The following GRM7 variants were observed in gnomAD, a reference collection of about 807,000 sequenced individuals.
GRM7 encodes the protein metabotropic glutamate receptor 7.
In GRM7, 35 loss-of-function variants were observed where a neutral mutation model predicts 84.5. The observed-to-expected ratio is 0.41, with a 90% CI of 0.32 to 0.55. The LOEUF is 0.55. GRM7 is among the 20% of genes least tolerant of loss of function. GRM7 has a pLI of 0.19. For missense variants in GRM7, 1,003 were observed against 1,194.6 expected, an observed-to-expected ratio of 0.84 and a Z score of 2.36; for synonymous variants, 487 against 455.1, an observed-to-expected ratio of 1.07 and a Z score of -0.89.
intron 8 of GRM7, among the ~76,000 whole-genome samples, chr3:7,642,036 T>C (rs1698386107): frequency 1.3e-5 from 2 of 152,140 alleles, no homozygotes; most frequent in Admixed American, 1.3e-4. Flanking sequence ...CTTTTCTGCA[T>C]CTAATAGTCC....
At chr3:7,588,333 C>T (rs1695618311) in intron 8 of GRM7, among the ~76,000 whole-genome samples, 1 of 152,194 alleles carries the variant, frequency 6.6e-6, no homozygotes, top group African/African-American at 2.4e-5. Flanking sequence ...AGTTATGCAT[C>T]TTCAGATGGC....
intron 8 of GRM7, among the ~76,000 whole-genome samples, chr3:7,597,994 G>A (rs1256579043): frequency 6.6e-6 from 1 of 152,120 alleles, no homozygotes; most frequent in South Asian, 2.1e-4. Context: ...AGCAGAGAAT[G>A]AGGGAAAGCT....
intron 8 of GRM7, among the ~76,000 whole-genome samples, chr3:7,674,802 A>C (rs1700062696): frequency 6.6e-6 from 1 of 152,198 alleles, no homozygotes; most frequent in Admixed American, 6.5e-5. Flanking sequence ...AGGCACTTGT[A>C]TCTCAATAAA....
intron 1 of GRM7, among the ~76,000 whole-genome samples, chr3:7,099,985 T>C (rs1232321846): frequency 6.8e-6 from 1 of 148,140 alleles, no homozygotes; most frequent in South Asian, 2.1e-4. Flanking sequence ...TAATTGCATA[T>C]GTACATATAT....
At chr3:7,397,823 G>C (rs1248500399) in intron 4 of GRM7, among the ~76,000 whole-genome samples, 1 of 152,122 alleles carries the variant, frequency 6.6e-6, no homozygotes. Context: ...TGGTGGTACA[G>C]TTAGGGAATC....
rs927788973 is a variant in GRM7, at chr3:7,740,987, A to G, written c.*581A>G. On this transcript the variant is annotated 3_prime_UTR_variant, in exon 10 of 10. Transcript: ENST00000357716. Reference sequence around the variant, plus strand: ...TACATGACTGTATAATTACGATTATAGTACCACTGCACATCATGTTTTTTT... The same window carrying G: ...TACATGACTGTATAATTACGATTATGGTACCACTGCACATCATGTTTTTTT... 3 of 152,086 alleles carry G rather than the reference A, an allele frequency of 2.0e-5. No individual in the cohort carries two copies. The highest frequency in any genetic ancestry group is 4.9e-5 in the African/African-American group (2 of 41,136). 9.4% of individuals were successfully genotyped at this position (152,086 alleles called of 1,614,324 possible).
chr3:7,183,179 A>G (rs1695401468), intron 2 of GRM7, among the ~76,000 whole-genome samples: 1 of 152,206 alleles, frequency 6.6e-6, no homozygotes, highest in African/African-American at 2.4e-5. Context: ...TCAAATGACA[A>G]AGGATAAATT....
intron 7 of GRM7, among the ~76,000 whole-genome samples, chr3:7,465,538 C>T (rs944766126): frequency 1.3e-4 from 20 of 152,310 alleles, no homozygotes; most frequent in African/African-American, 3.4e-4. Flanking sequence ...TCTCCAACAT[C>T]ATCCTGCCCT....
At chr3:7,442,284 A>G (rs1350301506) in intron 5 of GRM7, among the ~76,000 whole-genome samples, 2 of 152,122 alleles carry the variant, frequency 1.3e-5, no homozygotes, top group Non-Finnish European at 1.5e-5. Flanking sequence ...TGCTATTGGT[A>G]TATAGAAATG....
At chr3:7,724,025 C>T (rs896299281) in intron 9 of GRM7, among the ~76,000 whole-genome samples, 1 of 152,044 alleles carries the variant, frequency 6.6e-6, no homozygotes, top group Non-Finnish European at 1.5e-5. Context: ...GCATGAGAAA[C>T]GAAGACAACA....
chr3:7,564,932 G>A (rs1287192398), intron 7 of GRM7, among the ~76,000 whole-genome samples: 1 of 152,158 alleles, frequency 6.6e-6, no homozygotes, highest in Non-Finnish European at 1.5e-5. Context: ...CTGAAATCAT[G>A]TTCTGTCCTT....
At chr3:7,705,095 A>G (rs1013626888) in intron 9 of GRM7, among the ~76,000 whole-genome samples, 1 of 152,024 alleles carries the variant, frequency 6.6e-6, no homozygotes, top group African/African-American at 2.4e-5. Context: ...CCTCTAGAGT[A>G]TCTCATATAC....
Position 7,333,480 on chromosome 3 carries a change from T to C in GRM7, c.1033+26828T>C, listed in dbSNP as rs144491112. On this transcript the variant is annotated intron_variant, in intron 4 of 9. Transcript: ENST00000357716. ...GATCGCCCCATGGGGCAAAAGAATC[T>C]GAACAGCAGTCCTTGAGTTACAGAT... Among the ~76,000 whole-genome samples the C allele has an allele frequency of 9.3e-4, 141 of 152,294 alleles. 1 individual carries two copies. The highest frequency in any genetic ancestry group is 5.8e-3 in the South Asian group (28 of 4,824).
chr3:7,320,534 C>G (rs2125052345), intron 4 of GRM7, among the ~76,000 whole-genome samples: 1 of 151,964 alleles, frequency 6.6e-6, no homozygotes. Flanking sequence ...TAGAGAGGAT[C>G]CTTCTTGAGT....
chr3:7,560,877 T>C (rs1485546958), intron 7 of GRM7, among the ~76,000 whole-genome samples: 1 of 152,320 alleles, frequency 6.6e-6, no homozygotes, highest in East Asian at 1.9e-4. Context: ...ATATTATTTT[T>C]GCCTTGGCCG....
intron 4 of GRM7, among the ~76,000 whole-genome samples, chr3:7,395,430 A>T (rs772951039): frequency 6.6e-6 from 1 of 152,196 alleles, no homozygotes; most frequent in African/African-American, 2.4e-5. Context: ...TTCAGATAGC[A>T]TGTCATCTCA....
intron 1 of GRM7, among the ~76,000 whole-genome samples, chr3:7,022,047 G>T (rs1695794667): frequency 6.6e-6 from 1 of 152,092 alleles, no homozygotes. Flanking sequence ...TGCACTCTAG[G>T]CCGGGGACAG....
intron 9 of GRM7, among the ~76,000 whole-genome samples, chr3:7,703,460 G>T (rs1457573202): frequency 6.6e-6 from 1 of 151,570 alleles, no homozygotes; most frequent in African/African-American, 2.4e-5. Flanking sequence ...TTAATCTGGT[G>T]GATGGCCTAC....
intron 7 of GRM7, among the ~76,000 whole-genome samples, chr3:7,519,192 T>G (rs971780843): frequency 1.3e-5 from 2 of 152,102 alleles, no homozygotes; most frequent in Non-Finnish European, 2.9e-5. Context: ...AGCTTTTACT[T>G]TCACTATAAA....
Sources: gnomAD v4.1 joint callset for allele counts (sites outside exome capture counted in the v4.1 genomes callset) on GRCh38, gnomAD v4.1.1 for gene constraint, MANE v1.5 for transcripts, NCBI Gene and HGNC (gene_info 2026-07-23, HGNC 2026-07-21) for gene names.